SSRP1: variants seen among roughly 807,000 people sequenced by gnomAD.
The protein encoded by SSRP1 is structure specific recognition protein 1.
Under a neutral mutation model 84.4 loss-of-function variants are expected in SSRP1, and 21 were observed. That is an observed-to-expected ratio of 0.25 (90% confidence interval 0.18 to 0.36). The LOEUF is 0.36. SSRP1 is among the 10% of genes least tolerant of loss of function. The probability of loss-of-function intolerance (pLI) is 1.00; values close to 1 mark genes in which losing one functional copy is unlikely to be tolerated. For missense variants in SSRP1, 519 were observed against 900.8 expected, an observed-to-expected ratio of 0.58 and a Z score of 5.43; for synonymous variants, 319 against 318.3, an observed-to-expected ratio of 1.00 and a Z score of -0.02.
chr11:57,326,262 T>C lies in SSRP1; in HGVS notation c.*145A>G, dbSNP rs1855977441. On this transcript the variant is annotated 3_prime_UTR_variant, in exon 17 of 17. Coordinates refer to ENST00000278412, the MANE Select transcript of SSRP1 (RefSeq NM_003146.3). The stretch of plus-strand genomic sequence containing the variant: ...GAGTTAAGACGTCTCCCCACTGCCC[T>C]AGTGACATACACACCAACAGGAGAG... 1.3e-6 allele frequency: 1 copy of C among 756,400 alleles called. No individual in the cohort carries two copies. Among genetic ancestry groups the C allele is most frequent in the Admixed American group, 2.2e-5 (1 of 44,684 alleles). The allele number at this position is 756,400 out of a possible 1,614,324, so 46.9% of individuals were successfully genotyped here.
At position 57,332,332 on chromosome 11, in the gene SSRP1, C is replaced by T. The variant is rs547470725; in HGVS notation, c.872+51G>A. The stretch of plus-strand genomic sequence containing the variant: ...AACACTACTGCCTTCTAATGGCACA[C>T]CTGTCTCCTGCCTGGACAGTGGTAG... On this transcript the variant is annotated intron_variant, in intron 7 of 16. Coordinates refer to ENST00000278412, the MANE Select transcript of SSRP1 (RefSeq NM_003146.3). This position sits in a 1 kb window ranked among gnomAD's most constrained non-coding sequence, Gnocchi z 5.5. 4.3e-6 allele frequency: 7 copies of T among 1,613,862 alleles called. No individual in the cohort carries two copies. In the East Asian group the frequency reaches 1.1e-4, roughly 26 times the overall value.
chr11:57,326,524 C>T (rs1209823564), intron 16 of SSRP1, 46 bp from the exon 17 acceptor site: 2 of 1,610,002 alleles, frequency 1.2e-6, no homozygotes, highest in East Asian at 2.2e-5. Context: ...GTCCTGGGTG[C>T]CCCACCCACT....
chr11:57,333,192 A>C, intron 4 of SSRP1, 43 bp from the exon 5 acceptor site: 1 of 1,565,016 alleles, frequency 6.4e-7, no homozygotes, highest in Non-Finnish European at 8.7e-7. Flanking sequence ...CCTCCCCTTA[A>C]GTCTGCATAA....
chr11:57,333,606 T>C, intron 3 of SSRP1, 66 bp from the exon 4 acceptor site: 1 of 1,167,116 alleles, frequency 8.6e-7, no homozygotes, highest in Non-Finnish European at 1.3e-6. Context: ...GACTTGAATG[T>C]CCTGGGATTA....
At chr11:57,333,937 G>A (rs1856149123) in intron 3 of SSRP1, among the ~76,000 whole-genome samples, 2 of 152,228 alleles carry the variant, frequency 1.3e-5, no homozygotes, top group Admixed American at 1.3e-4. Context: ...GATCCCTTGA[G>A]TCTGAGAGCT....
In SSRP1 at chr11:57,332,378, C is replaced by A; in HGVS notation, c.872+5G>T. ...GGTAGGAAACGAGTCCAGGGAGACACTCACTCGTTCATGTTCAGAGTCAAC... is the reference window on the plus strand; with the variant it reads ...GGTAGGAAACGAGTCCAGGGAGACAATCACTCGTTCATGTTCAGAGTCAAC... On this transcript the variant is annotated splice_donor_5th_base_variant and intron_variant, in intron 7 of 16. Coordinates refer to ENST00000278412, the MANE Select transcript of SSRP1 (RefSeq NM_003146.3). This position sits in a 1 kb window ranked among gnomAD's most constrained non-coding sequence, Gnocchi z 5.5. 1 of 1,613,984 alleles carries A rather than the reference C, an allele frequency of 6.2e-7. No individual in the cohort carries two copies. The highest frequency in any genetic ancestry group is 2.2e-5 in the East Asian group (1 of 44,892).
At chr11:57,326,529 C>T (rs769538145) in intron 16 of SSRP1, 51 bp from the exon 17 acceptor site, 1 of 1,612,008 alleles carries the variant, frequency 6.2e-7, no homozygotes, top group Non-Finnish European at 8.5e-7. Flanking sequence ...GGGTGCCCCA[C>T]CCACTCTTCA....
At position 57,330,583 on chromosome 11, in the gene SSRP1, A is replaced by G. The variant is rs562439187; in HGVS notation, c.1297-154T>C. On this transcript the variant is annotated intron_variant, in intron 10 of 16. Transcript: ENST00000278412. The surrounding 1 kb of genome is among the most constrained non-coding windows in gnomAD (Gnocchi z 4.0). The stretch of plus-strand genomic sequence containing the variant: ...CACACACAGCCAACGTGCAGGGCCT[A>G]TGCCCAAGTACTTCCTGCCAACTGG... The G allele has an allele frequency of 1.8e-4, 254 of 1,430,496 alleles. No homozygotes were observed. The African/African-American group carries it at 2.2e-3, about 13-fold the overall frequency. 88.6% of individuals were successfully genotyped at this position (1,430,496 alleles called of 1,614,324 possible).
In SSRP1 at chr11:57,326,068, G is replaced by T. The variant is rs1458200737; in HGVS notation, c.*339C>A. 9.7e-6 allele frequency: 3 copies of T among 308,266 alleles called. No individual in the cohort carries two copies. The highest frequency in any genetic ancestry group is 1.8e-5 in the Non-Finnish European group (3 of 166,266). The allele number at this position is 308,266 out of a possible 1,614,324, so 19.1% of individuals were successfully genotyped here. On this transcript the variant is annotated 3_prime_UTR_variant, in exon 17 of 17. Coordinates refer to ENST00000278412, the MANE Select transcript of SSRP1 (RefSeq NM_003146.3). ...GAAAGTAGAAATAGGCCCCAGGTAG[G>T]AGCTACAGGCCTGGCCTCACATGAC...
Position 57,334,655 on chromosome 11 carries a change from G to A in SSRP1, c.55-7C>T, listed in dbSNP as rs1856169455. ...ACCTCAGTCGACCATCATTCTGTAAGAAAAGCAGGCCCAGATGCATGGAGA... is the reference window on the plus strand; with the variant it reads ...ACCTCAGTCGACCATCATTCTGTAAAAAAAGCAGGCCCAGATGCATGGAGA... On this transcript the variant is annotated splice_region_variant and splice_polypyrimidine_tract_variant and intron_variant, in intron 2 of 16. Transcript: ENST00000278412. 5.6e-6 allele frequency: 9 copies of A among 1,613,842 alleles called. No individual in the cohort carries two copies. Among genetic ancestry groups the A allele is most frequent in the Non-Finnish European group, 7.6e-6 (9 of 1,179,984 alleles).
rs2134387917 is a variant in SSRP1 at position 57,330,025 on chromosome 11, A to G, written c.1481+68T>C. The G allele has an allele frequency of 1.9e-6, 3 of 1,591,632 alleles. No individual in the cohort carries two copies. Among genetic ancestry groups the G allele is most frequent in the East Asian group, 4.5e-5 (2 of 44,776 alleles). ...TAATGCTGGGACCTGAGAAATGTCC[A>G]GAAATCTTCTGGTCCCTTAAGCTTA... On this transcript the variant is annotated intron_variant, in intron 12 of 16. Coordinates refer to ENST00000278412, the MANE Select transcript of SSRP1 (RefSeq NM_003146.3). This position sits in a 1 kb window ranked among gnomAD's most constrained non-coding sequence, Gnocchi z 4.0.
At chr11:57,331,943 G>T (rs1169143471) in intron 8 of SSRP1, 54 bp from the exon 9 acceptor site, 1 of 1,544,588 alleles carries the variant, frequency 6.5e-7, no homozygotes, top group African/African-American at 1.4e-5. Context: ...GAGGCAAAGG[G>T]CGTATCTAGC....
chr11:57,333,324 AATAG>A, intron 4 of SSRP1, 107 bp downstream of exon 4: 2 of 1,175,276 alleles, frequency 1.7e-6, no homozygotes, highest in South Asian at 2.7e-5. Flanking sequence ...TGAACATGCA[AATAG>A]ATAGGAAACC....
In SSRP1 at chr11:57,327,433, A is replaced by C; in HGVS notation, c.1864T>G (p.Ser622Ala). 6.2e-7 allele frequency: 1 copy of C among 1,613,678 alleles called. No individual in the cohort carries two copies. Among genetic ancestry groups the C allele is most frequent in the Non-Finnish European group, 8.5e-7 (1 of 1,179,962 alleles). Residue 622 changes from serine (S) to alanine (A), a missense_variant, in exon 15 of 17, where the codon TCT (serine) becomes GCT (alanine). Around this residue, in one of 7 missense-constraint regions of SSRP1, gnomAD observed 197 missense variants for 265.0 expected, o/e 0.74. Coordinates refer to ENST00000278412, the MANE Select transcript of SSRP1 (RefSeq NM_003146.3). Reference protein sequence around the residue: ...KEYEGGRGESSKRDKSKKKKK... With the variant: ...KEYEGGRGESAKRDKSKKKKK... ...CATGTTCTCGACACTCACCTCTTAGAAGACTCGCCTCGGCCCCCTTCATAT... is the reference window on the plus strand; with the variant it reads ...CATGTTCTCGACACTCACCTCTTAGCAGACTCGCCTCGGCCCCCTTCATAT...
Position 57,332,162 on chromosome 11 carries a change from T to C in SSRP1, c.991A>G (p.Asn331Asp), listed in dbSNP as rs972561180. 6.2e-7 allele frequency: 1 copy of C among 1,613,638 alleles called. No individual in the cohort carries two copies. Among genetic ancestry groups the C allele is most frequent in the African/African-American group, 1.3e-5 (1 of 74,866 alleles). The change falls in exon 8 of 17, where the codon AAC (asparagine) becomes GAC (aspartate). Residue 331 changes from asparagine to aspartate, a missense_variant. Transcript: ENST00000278412. The surrounding 1 kb of genome is among the most constrained non-coding windows in gnomAD (Gnocchi z 5.5). ...GGCCCACACTCTCACCCTTGGAAGT[T>C]GCCTGGCACTGTGATCTTGCGGTTT... ...LVNRKITVPG[N>D]FQGHSGAQCI... is the part of the protein sequence containing the mutation.
rs1424394595 is a variant in SSRP1 at position 57,330,145 on chromosome 11, AAG to A, written c.1436-9_1436-8del. 6.2e-7 allele frequency: 1 copy of A among 1,614,002 alleles called. No individual in the cohort carries two copies. The highest frequency in any genetic ancestry group is 1.3e-5 in the African/African-American group (1 of 74,886). On this transcript the variant is annotated splice_region_variant and splice_polypyrimidine_tract_variant and intron_variant, in intron 11 of 16. Coordinates refer to ENST00000278412, the MANE Select transcript of SSRP1 (RefSeq NM_003146.3). The surrounding 1 kb of genome is among the most constrained non-coding windows in gnomAD (Gnocchi z 4.0). The stretch of plus-strand genomic sequence containing the variant: ...CCTGGGTTGAATGACTCATCTGAAA[AAG>A]GGCACAGGATGCATCAGCTTCTGCC...
intron 14 of SSRP1, 94 bp from the exon 15 acceptor site, chr11:57,327,608 C>T (rs7129491): frequency 1.2e-6 from 2 of 1,601,996 alleles, no homozygotes; most frequent in African/African-American, 2.7e-5. Flanking sequence ...AAAGTCCCAC[C>T]AATGGCTCAT....
At position 57,326,839 on chromosome 11, in the gene SSRP1, G is replaced by C; in HGVS notation, c.1922C>G (p.Ser641Cys). The C allele has an allele frequency of 6.2e-7, 1 of 1,614,078 alleles. No homozygotes were observed. The highest frequency in any genetic ancestry group is 8.5e-7 in the Non-Finnish European group (1 of 1,179,982). Reference protein sequence around the residue: ...KKVKVKMEKKSTPSRGSSSKS... With the variant: ...KKVKVKMEKKCTPSRGSSSKS... Reference sequence around the variant, plus strand: ...GGATGATGAGCCCCTAGAGGGCGTGGATTTCTTTTCCATCTTTACCTTTAC... The same window carrying C: ...GGATGATGAGCCCCTAGAGGGCGTGCATTTCTTTTCCATCTTTACCTTTAC... The change falls in exon 16 of 17, where the codon TCC becomes TGC. Residue 641 changes from serine (S) to cysteine (C), a missense_variant. Around this residue, in one of 7 missense-constraint regions of SSRP1, gnomAD observed 197 missense variants for 265.0 expected, o/e 0.74. Coordinates refer to ENST00000278412, the MANE Select transcript of SSRP1 (RefSeq NM_003146.3).
rs1184277632 is a variant in SSRP1, at chr11:57,331,873, A to C, written c.1018T>G (p.Cys340Gly). 6.2e-7 allele frequency: 1 copy of C among 1,612,842 alleles called. No homozygotes were observed. The highest frequency in any genetic ancestry group is 8.5e-7 in the Non-Finnish European group (1 of 1,179,542). The part of the protein sequence containing the change: ...GNFQGHSGAQ[C>G]ITCSYKASSG... ...CTTGCCTTGTAGGAACAGGTAATGC[A>C]CTGGGCCCCTGAGTGCCTGACAGAG... Residue 340 changes from cysteine (C) to glycine (G), a missense_variant, in exon 9 of 17, where the codon TGC becomes GGC. Cys to Gly is a radical substitution (Grantham distance 159, BLOSUM62 -3). Around this residue, in one of 7 missense-constraint regions of SSRP1, gnomAD observed 159 missense variants for 359.0 expected, o/e 0.44. Transcript: ENST00000278412.
Sources: allele counts gnomAD v4.1 joint callset (sites outside exome capture counted in the v4.1 genomes callset), GRCh38; gene constraint gnomAD v4.1.1; regional missense constraint gnomAD v4.1.1; non-coding constraint Gnocchi (gnomAD v3.1); transcripts MANE v1.5; gene names NCBI Gene and HGNC (gene_info 2026-07-23, HGNC 2026-07-21).